PDE7B: variants seen among roughly 807,000 people sequenced by gnomAD.
The protein encoded by PDE7B is phosphodiesterase 7B.
PDE7B carries 29 observed loss-of-function variants against 56.2 expected under a neutral mutation model. The observed-to-expected ratio is 0.52, with a 90% CI of 0.38 to 0.70. The LOEUF (loss-of-function observed/expected upper bound fraction) is 0.70, where lower values mean the gene tolerates loss of function less well. Ranked by LOEUF, PDE7B falls within the 30% of genes least tolerant of loss-of-function variation. PDE7B has a pLI of 0.00. For missense variants in PDE7B, 490 were observed against 565.0 expected (o/e 0.87, Z 1.35); for synonymous variants, 197 against 196.9 (o/e 1.00, Z 0.00).
intron 1 of PDE7B, among the ~76,000 whole-genome samples, chr6:135,934,893 ATATTTAAATATATATAAATATT>A: frequency 9.4e-6 from 1 of 106,826 alleles, no homozygotes; most frequent in Middle Eastern, 4.1e-3. Flanking sequence ...ATTTAAATAT[ATATTTAAATATATATAAATATT>A]TATTTAAATA....
At chr6:136,035,791 A>G (rs1303210257) in intron 2 of PDE7B, among the ~76,000 whole-genome samples, 1 of 152,202 alleles carries the variant, frequency 6.6e-6, no homozygotes, top group East Asian at 1.9e-4. Context: ...CAGAGGATAC[A>G]ATGGAAATGT....
In PDE7B at chr6:136,191,836, C is replaced by T. The variant is rs1462499434; in HGVS notation, c.1349C>T (p.Pro450Leu). 3 of 1,549,624 alleles carry T rather than the reference C, an allele frequency of 1.9e-6. No homozygotes were observed. The highest frequency in any genetic ancestry group is 2.6e-6 in the Non-Finnish European group (3 of 1,146,920). ...TESEEQEGDS[P>L] ...AGCGAGGAGCAGGAAGGCGACAGCC[C>T]CTAGGGGCCGGCCCAACTTAGACGC... The change falls in exon 13 of 13, where the codon CCC (proline) becomes CTC (leucine). Residue 450 changes from proline (P) to leucine (L), a missense_variant. By Grantham distance (98) the Pro-to-Leu change is moderately conservative (BLOSUM62 -3). Coordinates refer to ENST00000308191, the MANE Select transcript of PDE7B (RefSeq NM_018945.4).
chr6:135,997,709 A>T (rs77014349), intron 2 of PDE7B, among the ~76,000 whole-genome samples: 1 of 152,112 alleles, frequency 6.6e-6, no homozygotes, highest in Non-Finnish European at 1.5e-5. Flanking sequence ...ATTTGCAAAA[A>T]GTTTTTAAGA....
chr6:136,001,596 A>G (rs2128206136), intron 2 of PDE7B, among the ~76,000 whole-genome samples: 1 of 152,354 alleles, frequency 6.6e-6, no homozygotes, highest in South Asian at 2.1e-4. Flanking sequence ...AAGAAAGGGT[A>G]TCAGTGATGG....
chr6:135,994,983 A>G (rs1775539302), intron 2 of PDE7B, among the ~76,000 whole-genome samples: 1 of 152,180 alleles, frequency 6.6e-6, no homozygotes, highest in African/African-American at 2.4e-5. Context: ...CAGCACTTTC[A>G]TCAATAGTAA....
At chr6:135,933,294 G>C (rs567853086) in intron 1 of PDE7B, among the ~76,000 whole-genome samples, 1 of 152,314 alleles carries the variant, frequency 6.6e-6, no homozygotes, top group East Asian at 1.9e-4. Flanking sequence ...ACACATACCT[G>C]CACAAGATAC....
At chr6:135,901,595 T>C (rs1776001413) in intron 1 of PDE7B, among the ~76,000 whole-genome samples, 2 of 152,130 alleles carry the variant, frequency 1.3e-5, no homozygotes, top group African/African-American at 4.8e-5. Flanking sequence ...GAAGAGCACA[T>C]TGAGCTGAGA....
In PDE7B at chr6:135,970,446, G is replaced by A. The variant is rs371805145; in HGVS notation, c.82+22922G>A. On this transcript the variant is annotated intron_variant, in intron 2 of 12. Coordinates refer to ENST00000308191, the MANE Select transcript of PDE7B (RefSeq NM_018945.4). Reference sequence around the variant, plus strand: ...ACCCCAGTGGGGCAAAATTATGTGGGGTCTAGGCCAGTGCTTCTGAAACTT... The same window carrying A: ...ACCCCAGTGGGGCAAAATTATGTGGAGTCTAGGCCAGTGCTTCTGAAACTT... Among the ~76,000 whole-genome samples the A allele has an allele frequency of 3.7e-5, 4 of 108,860 alleles. No individual in the cohort carries two copies. In the South Asian group the frequency reaches 8.1e-4, roughly 22 times the overall value. 71.4% of individuals were successfully genotyped at this position (108,860 alleles called of 152,430 possible). A position where few individuals can be genotyped will look rare whatever the true frequency, so the allele number is the denominator to read the frequency against.
Position 136,164,161 on chromosome 6 carries a change from G to T in PDE7B, c.711+8403G>T, listed in dbSNP as rs1778756072. On this transcript the variant is annotated intron_variant, in intron 8 of 12. Transcript: ENST00000308191. ...TTTAATTGACTCACAGTTCTACAGT[G>T]CTGGGGAGGCCTCAGGAAACTTACC... Among the ~76,000 whole-genome samples the T allele has an allele frequency of 1.3e-5, 2 of 152,192 alleles. 1 individual carries two copies.
chr6:135,943,123 AATAGAATTTTACTGGATC>A (rs1482885907), intron 1 of PDE7B, among the ~76,000 whole-genome samples: 6 of 152,232 alleles, frequency 3.9e-5, no homozygotes, highest in Admixed American at 3.9e-4. Context: ...TGGGAATTAA[AATAGAATTTTACTGGATC>A]AGTTAAATTT....
chr6:135,926,197 C>T (rs1774184803), intron 1 of PDE7B, among the ~76,000 whole-genome samples: 1 of 151,078 alleles, frequency 6.6e-6, no homozygotes, highest in South Asian at 2.1e-4. Flanking sequence ...CGCCATTCTC[C>T]TGCCTCAGCC....
chr6:135,961,381 T>C (rs543965391), intron 2 of PDE7B, among the ~76,000 whole-genome samples: 33 of 151,444 alleles, frequency 2.2e-4, no homozygotes, highest in African/African-American at 8.0e-4. Flanking sequence ...CTACCAGCTG[T>C]GTACAAAAGT....
intron 2 of PDE7B, among the ~76,000 whole-genome samples, chr6:136,075,269 G>A (rs534289201): frequency 6.6e-6 from 1 of 152,230 alleles, no homozygotes; most frequent in East Asian, 1.9e-4. Flanking sequence ...GATGTTCTCT[G>A]ACAGCTCTAA....
At chr6:136,131,385 C>A (rs1386726110) in intron 3 of PDE7B, among the ~76,000 whole-genome samples, 1 of 151,802 alleles carries the variant, frequency 6.6e-6, no homozygotes, top group Non-Finnish European at 1.5e-5. Flanking sequence ...GCCCTGACAC[C>A]ATGACTCTAT....
chr6:136,080,283 A>C (rs1404866523), intron 2 of PDE7B, among the ~76,000 whole-genome samples: 1 of 152,196 alleles, frequency 6.6e-6, no homozygotes, highest in African/African-American at 2.4e-5. Flanking sequence ...AGGCTCTCCA[A>C]ACTCACACAA....
chr6:136,087,577 A>G (rs1777313707), intron 2 of PDE7B, among the ~76,000 whole-genome samples: 1 of 152,168 alleles, frequency 6.6e-6, no homozygotes, highest in African/African-American at 2.4e-5. Context: ...CTTTCTATAA[A>G]CAGGTTTTTG....
At chr6:135,936,341 A>G (rs1774419835) in intron 1 of PDE7B, among the ~76,000 whole-genome samples, 1 of 152,202 alleles carries the variant, frequency 6.6e-6, no homozygotes, top group African/African-American at 2.4e-5. Flanking sequence ...GATATTATCT[A>G]TTAACCTTTT....
At chr6:135,893,055 A>G (rs1775836531) in intron 1 of PDE7B, among the ~76,000 whole-genome samples, 1 of 152,114 alleles carries the variant, frequency 6.6e-6, no homozygotes, top group Non-Finnish European at 1.5e-5. Context: ...GTAAATACCT[A>G]TAGGGATAGG....
At chr6:136,004,570 G>C (rs926771867) in intron 2 of PDE7B, among the ~76,000 whole-genome samples, 1 of 151,666 alleles carries the variant, frequency 6.6e-6, no homozygotes, top group East Asian at 1.9e-4. Context: ...CAGACAAACA[G>C]AGAGCCAAAT....
Sources: allele counts gnomAD v4.1 joint callset (sites outside exome capture counted in the v4.1 genomes callset), GRCh38; gene constraint gnomAD v4.1.1; transcripts MANE v1.5; gene names NCBI Gene and HGNC (gene_info 2026-07-23, HGNC 2026-07-21).